Variants in TMEM14C observed in about 807,000 individuals in gnomAD.
The protein encoded by TMEM14C is transmembrane protein 14C.
In TMEM14C, 13 loss-of-function variants were observed where a neutral mutation model predicts 14.8. The observed-to-expected ratio is 0.88, with a 90% CI of 0.57 to 1.40. TMEM14C has a LOEUF of 1.40. Among genes scored for constraint, TMEM14C ranks in the 40% most tolerant of loss-of-function variants. TMEM14C has a pLI of 0.00. For missense variants in TMEM14C, 142 were observed against 138.8 expected (o/e 1.02, Z -0.12); for synonymous variants, 57 against 51.3 (o/e 1.11, Z -0.48).
intron 5 of TMEM14C, among the ~76,000 whole-genome samples, chr6:10,730,000 A>T (rs541757024): frequency 6.6e-6 from 1 of 152,114 alleles, no homozygotes; most frequent in African/African-American, 2.4e-5. Context: ...TGGGACACTG[A>T]GTCAGGAAAA....
At chr6:10,727,482 G>A (rs1424975068) in intron 4 of TMEM14C, among the ~76,000 whole-genome samples, 1 of 151,662 alleles carries the variant, frequency 6.6e-6, no homozygotes, top group Non-Finnish European at 1.5e-5. Flanking sequence ...TGGGATTCAG[G>A]CGTCCACCAA....
rs1352681591 is a variant in TMEM14C at position 10,730,629 on chromosome 6, C to T, written c.302C>T (p.Ala101Val). ...CTTTTAAACAGTTTGCTGATGGTCGCCAAAGTTGGAGTTAGTATGTTCAAC... is the reference window on the plus strand; with the variant it reads ...CTTTTAAACAGTTTGCTGATGGTCGTCAAAGTTGGAGTTAGTATGTTCAAC... ...LIAGASLLMVAKVGVSMFNRP... is the reference protein window; with the variant it reads ...LIAGASLLMVVKVGVSMFNRP... The change falls in exon 6 of 6, where the codon GCC becomes GTC. Residue 101 changes from alanine to valine, a missense_variant. Transcript: ENST00000229563. 1.2e-6 allele frequency: 2 copies of T among 1,612,108 alleles called. No individual in the cohort carries two copies. Among genetic ancestry groups the T allele is most frequent in the African/African-American group, 2.7e-5 (2 of 74,992 alleles).
rs1770940550 is a variant in TMEM14C, at chr6:10,728,685, A to G, written c.245A>G (p.His82Arg). 1.2e-6 allele frequency: 2 copies of G among 1,614,046 alleles called. No individual in the cohort carries two copies. Among genetic ancestry groups the G allele is most frequent in the African/African-American group, 1.3e-5 (1 of 74,912 alleles). The change falls in exon 5 of 6, where the codon CAC becomes CGC. Residue 82 changes from histidine (H) to arginine (R), a missense_variant. Coordinates refer to ENST00000229563, the MANE Select transcript of TMEM14C (RefSeq NM_016462.4). Reference protein sequence around the residue: ...LAGIMGMRFYHSGKFMPAGLI... With the variant: ...LAGIMGMRFYRSGKFMPAGLI... ...GGCATTATGGGAATGAGGTTCTACC[A>G]CTCTGGAAAATTCATGCCTGCAGGT... is the stretch of plus-strand genomic sequence containing the variant.
At position 10,725,914 on chromosome 6, in the gene TMEM14C, G is replaced by A; in HGVS notation, c.105G>A (p.Val35=). 6.2e-7 allele frequency: 1 copy of A among 1,613,808 alleles called. No individual in the cohort carries two copies. Among genetic ancestry groups the A allele is most frequent in the Non-Finnish European group, 8.5e-7 (1 of 1,180,026 alleles). ...GIIGYVKAGS[V]PSLAAGLLFG... ...GTGTTTGCTTCCCTCTAGGCAGCGT[G>A]CCGTCCCTGGCTGCAGGGCTGCTCT... The change falls in exon 4 of 6, where the codon GTG becomes GTA. Residue 35 remains valine, a synonymous_variant. Transcript: ENST00000229563.
chr6:10,728,667 T>G lies in TMEM14C; in HGVS notation c.227T>G (p.Met76Arg), dbSNP rs201712847. 1.5e-5 allele frequency: 24 copies of G among 1,614,096 alleles called. No individual in the cohort carries two copies. The highest frequency in any genetic ancestry group is 1.9e-5 in the Non-Finnish European group (23 of 1,180,042). ...ACATCTGGTACCTTGGCTGGCATTA[T>G]GGGAATGAGGTTCTACCACTCTGGA... ...LATSGTLAGI[M>R]GMRFYHSGKF... is the part of the protein sequence containing the mutation. Residue 76 changes from methionine to arginine, a missense_variant, in exon 5 of 6, where the codon ATG (methionine) becomes AGG (arginine). Met to Arg is a moderately conservative substitution (Grantham distance 91). Coordinates refer to ENST00000229563, the MANE Select transcript of TMEM14C (RefSeq NM_016462.4).
chr6:10,730,922 T>C lies in TMEM14C; in HGVS notation c.*256T>C, dbSNP rs1390292953. 4 of 1,113,374 alleles carry C rather than the reference T, an allele frequency of 3.6e-6. No homozygotes were observed. The highest frequency in any genetic ancestry group is 4.4e-6 in the Non-Finnish European group (4 of 911,690). The allele number at this position is 1,113,374 out of a possible 1,614,324, so 69.0% of individuals were successfully genotyped here. ...GTATATTGATGTTGTCTTTTCTTTC[T>C]GTATCTGTAGGTAAATCTCAAGGGT... On this transcript the variant is annotated 3_prime_UTR_variant, in exon 6 of 6. Coordinates refer to ENST00000229563, the MANE Select transcript of TMEM14C (RefSeq NM_016462.4).
chr6:10,727,694 G>T (rs1036180895), intron 4 of TMEM14C, among the ~76,000 whole-genome samples: 1 of 151,986 alleles, frequency 6.6e-6, no homozygotes, highest in Admixed American at 6.6e-5. Flanking sequence ...GGTGGCGGAC[G>T]CCTGTAGTCC....
At chr6:10,730,379 ATC>A (rs1358180385) in intron 5 of TMEM14C, among the ~76,000 whole-genome samples, 1 of 152,100 alleles carries the variant, frequency 6.6e-6, no homozygotes, top group Non-Finnish European at 1.5e-5. Context: ...CCATTTCTTC[ATC>A]TCTTCAAATT....
chr6:10,726,310 C>G (rs1770858123), intron 4 of TMEM14C, among the ~76,000 whole-genome samples: 2 of 152,172 alleles, frequency 1.3e-5, no homozygotes, highest in Admixed American at 1.3e-4. Flanking sequence ...CACTGAAGAC[C>G]TTTGGCTTCA....
At chr6:10,725,115 A>G in intron 3 of TMEM14C, 78 bp downstream of exon 3, 1 of 1,565,392 alleles carries the variant, frequency 6.4e-7, no homozygotes, top group African/African-American at 1.4e-5. Context: ...GTCCCTGAGA[A>G]GCAATCTCAT....
In TMEM14C at chr6:10,726,000, T is replaced by G. The variant is rs1402216765; in HGVS notation, c.191T>G (p.Val64Gly). 7 of 1,613,798 alleles carry G rather than the reference T, an allele frequency of 4.3e-6. No homozygotes were observed. The highest frequency in any genetic ancestry group is 4.5e-5 in the East Asian group (2 of 44,850). ...TCTCAGGATCCAAGGAACGTTTGGG[T>G]TTTCCTAGGTATGTCTGCTTTGGCG... ...QLSQDPRNVWVFLATSGTLAG... is the reference protein window; with the variant it reads ...QLSQDPRNVWGFLATSGTLAG... Residue 64 changes from valine (V) to glycine (G), a missense_variant, in exon 4 of 6, where the codon GTT becomes GGT. Physicochemically the swap from Val to Gly is moderately radical, Grantham distance 109 (BLOSUM62 -3). Coordinates refer to ENST00000229563, the MANE Select transcript of TMEM14C (RefSeq NM_016462.4).
chr6:10,728,548 C>A, intron 4 of TMEM14C, 92 bp from the exon 5 acceptor site: 1 of 1,330,446 alleles, frequency 7.5e-7, no homozygotes, highest in Non-Finnish European at 1.1e-6. Context: ...GAGGCGTGAG[C>A]CTTGAGAGAT....
rs1581601768 is a variant in TMEM14C at position 10,730,841 on chromosome 6, A to T, written c.*175A>T. 7.6e-7 allele frequency: 1 copy of T among 1,316,566 alleles called. No homozygotes were observed. The highest frequency in any genetic ancestry group is 9.7e-7 in the Non-Finnish European group (1 of 1,027,912). 81.6% of individuals were successfully genotyped at this position (1,316,566 alleles called of 1,614,324 possible). A position where few individuals can be genotyped will look rare whatever the true frequency, so the allele number is the denominator to read the frequency against. On this transcript the variant is annotated 3_prime_UTR_variant, in exon 6 of 6. Transcript: ENST00000229563. Reference sequence around the variant, plus strand: ...ATCAGTCATGATTACAAACCTACAGAGGTGGCGAGTATGTAACACAAGAGC... The same window carrying T: ...ATCAGTCATGATTACAAACCTACAGTGGTGGCGAGTATGTAACACAAGAGC...
intron 4 of TMEM14C, among the ~76,000 whole-genome samples, chr6:10,727,661 T>G (rs1011638020): frequency 6.7e-6 from 1 of 149,920 alleles, no homozygotes; most frequent in Admixed American, 6.7e-5. Flanking sequence ...GTCTCTAATT[T>G]AAAAAAAAAA....
chr6:10,724,379 C>T (rs1440204217), intron 1 of TMEM14C, 191 bp from the exon 2 acceptor site: 1 of 561,044 alleles, frequency 1.8e-6, no homozygotes, highest in Non-Finnish European at 3.2e-6. Context: ...TTACTAGGTG[C>T]TAAGCACCTT....
chr6:10,725,752 T>A (rs1263639564), intron 3 of TMEM14C, among the ~76,000 whole-genome samples, 155 bp from the exon 4 acceptor site: 4 of 152,096 alleles, frequency 2.6e-5, no homozygotes, highest in Non-Finnish European at 5.9e-5. Flanking sequence ...GATAGCACAC[T>A]CTCTGTAACG....
At chr6:10,724,902 A>G (rs987597006) in intron 2 of TMEM14C, 59 bp from the exon 3 acceptor site, 11 of 1,586,432 alleles carry the variant, frequency 6.9e-6, no homozygotes, top group Non-Finnish European at 8.7e-6. Context: ...CCATCCTATG[A>G]CAGTATGGTT....
At position 10,724,702 on chromosome 6, in the gene TMEM14C, A is replaced by G; in HGVS notation, c.20+69A>G. ...AACCAGAGTTCCTTTCCTTAGCTGA[A>G]AAGAACCTTAAGAGTAGACTGCCTG... On this transcript the variant is annotated intron_variant, in intron 2 of 5. Transcript: ENST00000229563. The G allele has an allele frequency of 2.0e-6, 3 of 1,499,112 alleles. No individual in the cohort carries two copies. In the South Asian group the frequency reaches 3.5e-5, roughly 18 times the overall value. 92.9% of individuals were successfully genotyped at this position (1,499,112 alleles called of 1,614,324 possible). A position where few individuals can be genotyped will look rare whatever the true frequency, so the allele number is the denominator to read the frequency against.
intron 4 of TMEM14C, among the ~76,000 whole-genome samples, chr6:10,727,285 T>C (rs1466155543): frequency 6.6e-6 from 1 of 152,100 alleles, no homozygotes; most frequent in African/African-American, 2.4e-5. Flanking sequence ...TTTGTATTCC[T>C]CCTTTTAGGT....
Sources: gnomAD v4.1 joint callset for allele counts (sites outside exome capture counted in the v4.1 genomes callset) on GRCh38, gnomAD v4.1.1 for gene constraint, MANE v1.5 for transcripts, NCBI Gene and HGNC (gene_info 2026-07-23, HGNC 2026-07-21) for gene names.